Variants in KCNQ1 observed in about 807,000 individuals in gnomAD.
The protein encoded by KCNQ1 is potassium voltage-gated channel subfamily Q member 1, also known as potassium voltage-gated channel subfamily KQT member 1.
Under a neutral mutation model 72.4 loss-of-function variants are expected in KCNQ1, and 49 were observed. The observed-to-expected ratio is 0.68, with a 90% CI of 0.54 to 0.86. The LOEUF (loss-of-function observed/expected upper bound fraction) is 0.86, where lower values mean the gene tolerates loss of function less well. Ranked by LOEUF, KCNQ1 falls within the 40% of genes least tolerant of loss-of-function variation. The probability of loss-of-function intolerance (pLI) is 0.00; values close to 1 mark genes in which losing one functional copy is unlikely to be tolerated. For missense variants in KCNQ1, 790 were observed against 945.1 expected, an observed-to-expected ratio of 0.84 and a Z score of 2.15; for synonymous variants, 450 against 412.6, an observed-to-expected ratio of 1.09 and a Z score of -1.10.
At position 2,716,042 on chromosome 11, in the gene KCNQ1, A is replaced by C. The variant is rs560995280; in HGVS notation, c.1515-52802A>C. Among the ~76,000 whole-genome samples, 13 of 152,280 alleles carry C rather than the reference A, an allele frequency of 8.5e-5. No individual in the cohort carries two copies. The South Asian group carries it at 2.7e-3, about 32-fold the overall frequency. On this transcript the variant is annotated intron_variant, in intron 11 of 15. Transcript: ENST00000155840. ...TGCCTTTGACCTCTCATGCACTGAG[A>C]GTAATGGGCAAGCGCTGTCTGCAGA...
At chr11:2,757,824 C>A (rs758660270) in intron 11 of KCNQ1, among the ~76,000 whole-genome samples, 1 of 152,220 alleles carries the variant, frequency 6.6e-6, no homozygotes, top group Non-Finnish European at 1.5e-5. Context: ...CCTCTTTCAA[C>A]ACACGGTACA....
rs182932072 is a variant in KCNQ1, at chr11:2,447,707, C to T, written c.386+2223C>T. Among the ~76,000 whole-genome samples, 1 of 152,296 alleles carries T rather than the reference C, an allele frequency of 6.6e-6. No individual in the cohort carries two copies. The highest frequency in any genetic ancestry group is 2.4e-5 in the African/African-American group (1 of 41,556). On this transcript the variant is annotated intron_variant, in intron 1 of 15. Coordinates refer to ENST00000155840, the MANE Select transcript of KCNQ1 (RefSeq NM_000218.3). The surrounding 1 kb of genome is among the most constrained non-coding windows in gnomAD (Gnocchi z 7.6). Reference sequence around the variant, plus strand: ...TTGGCAATGGTGGCGGAGACAGGGCCCTGTCCTTAGGTGGATTGTGAAATG... The same window carrying T: ...TTGGCAATGGTGGCGGAGACAGGGCTCTGTCCTTAGGTGGATTGTGAAATG...
Position 2,663,722 on chromosome 11 carries a change from C to A in KCNQ1, c.1514+1641C>A. ...ACCAACTCTTGGGTCTTGCAAGGCC[C>A]CTGCAGGTGAAGGTGGTGAGAGACC... On this transcript the variant is annotated intron_variant, in intron 11 of 15. Coordinates refer to ENST00000155840, the MANE Select transcript of KCNQ1 (RefSeq NM_000218.3). This position sits in a 1 kb window ranked among gnomAD's most constrained non-coding sequence, Gnocchi z 5.2. 1 of 398,698 alleles carries A rather than the reference C, an allele frequency of 2.5e-6. No individual in the cohort carries two copies. Among genetic ancestry groups the A allele is most frequent in the Non-Finnish European group, 4.4e-6 (1 of 226,112 alleles). 24.7% of individuals were successfully genotyped at this position (398,698 alleles called of 1,614,324 possible). A position where few individuals can be genotyped will look rare whatever the true frequency, so the allele number is the denominator to read the frequency against.
intron 11 of KCNQ1, among the ~76,000 whole-genome samples, chr11:2,742,344 G>A: frequency 6.6e-6 from 1 of 152,184 alleles, no homozygotes; most frequent in East Asian, 1.9e-4. Context: ...GAGGCATCAG[G>A]CGGCCTCAGG....
At chr11:2,790,618 C>T (rs1038431311) in intron 15 of KCNQ1, among the ~76,000 whole-genome samples, 4 of 152,270 alleles carry the variant, frequency 2.6e-5, no homozygotes, top group Non-Finnish European at 5.9e-5. Flanking sequence ...AGCTCTGCCC[C>T]CTACACGCGA....
chr11:2,786,890 C>T (rs1257149182), intron 15 of KCNQ1, among the ~76,000 whole-genome samples: 1 of 150,224 alleles, frequency 6.7e-6, no homozygotes, highest in Non-Finnish European at 1.5e-5. Flanking sequence ...TCTGAGTTCA[C>T]CTCCCTGTTT....
intron 7 of KCNQ1, among the ~76,000 whole-genome samples, chr11:2,584,114 T>C (rs1489475196): frequency 2.0e-5 from 3 of 152,182 alleles, no homozygotes. Context: ...ACTGTATGTG[T>C]GCGTGCATAC....
At chr11:2,569,176 A>C (rs113962056) in intron 2 of KCNQ1, among the ~76,000 whole-genome samples, 5,913 of 152,148 alleles carry the variant, frequency 0.039, 346 homozygotes, top group African/African-American at 0.13. Context: ...GAGCCCCCGC[A>C]CCTGGCCCAC....
intron 15 of KCNQ1, among the ~76,000 whole-genome samples, chr11:2,836,609 C>T (rs1848070264): frequency 6.6e-6 from 1 of 152,202 alleles, no homozygotes; most frequent in Non-Finnish European, 1.5e-5. Flanking sequence ...CAGCAATCCC[C>T]ACAGAAAGGA....
At chr11:2,800,866 G>A (rs1162989481) in intron 15 of KCNQ1, among the ~76,000 whole-genome samples, 1 of 152,236 alleles carries the variant, frequency 6.6e-6, no homozygotes, top group African/African-American at 2.4e-5. Flanking sequence ...GGTAAGAGCA[G>A]AGAACAGGAT....
At chr11:2,727,489 T>C (rs1157627153) in intron 11 of KCNQ1, among the ~76,000 whole-genome samples, 1 of 151,948 alleles carries the variant, frequency 6.6e-6, no homozygotes, top group African/African-American at 2.4e-5. Context: ...ACTCGAGGAA[T>C]AAAGAGGAGG....
In KCNQ1 at chr11:2,476,549, C is replaced by T. The variant is rs1041482331; in HGVS notation, c.386+31065C>T. ...AAATAATAGGAAACAGGAAAACAGA[C>T]TTGAGGGTTCTTTTTGGGAGGTGAT... On this transcript the variant is annotated intron_variant, in intron 1 of 15. Coordinates refer to ENST00000155840, the MANE Select transcript of KCNQ1 (RefSeq NM_000218.3). Among the ~76,000 whole-genome samples the T allele has an allele frequency of 2.0e-5, 3 of 152,110 alleles. No homozygotes were observed. In the East Asian group the frequency reaches 5.8e-4, roughly 29 times the overall value.
chr11:2,585,300 T>A lies in KCNQ1; in HGVS notation c.1121T>A (p.Leu374His), dbSNP rs199472767. Residue 374 changes from leucine (L) to histidine (H), a missense_variant, in exon 8 of 16, where the codon CTC (leucine) becomes CAC (histidine). By Grantham distance (99) the Leu-to-His change is moderately conservative. This residue lies in a region of KCNQ1 where 133 missense variants were observed against 219.5 expected (regional missense o/e 0.61). Transcript: ENST00000155840. ...FNRQIPAAASLIQTAWRCYAA... is the reference protein window; with the variant it reads ...FNRQIPAAASHIQTAWRCYAA... ...CGGCAGATCCCGGCGGCAGCCTCAC[T>A]CATTCAGGTGCGGTGCCTGCAAGGC... is the stretch of plus-strand genomic sequence containing the variant. 6.2e-7 allele frequency: 1 copy of A among 1,613,764 alleles called. No individual in the cohort carries two copies. Among genetic ancestry groups the A allele is most frequent in the Admixed American group, 1.7e-5 (1 of 60,034 alleles).
rs946649933 is a variant in KCNQ1 at position 2,767,164 on chromosome 11, CTA to C, written c.1515-1676_1515-1675del. Among the ~76,000 whole-genome samples, 11 of 143,220 alleles carry C rather than the reference CTA, an allele frequency of 7.7e-5. No individual in the cohort carries two copies. Among genetic ancestry groups the C allele is most frequent in the Admixed American group, 1.4e-4 (2 of 14,638 alleles). The allele number at this position is 143,220 out of a possible 152,430, so 94.0% of individuals were successfully genotyped here. A position where few individuals can be genotyped will look rare whatever the true frequency, so the allele number is the denominator to read the frequency against. ...GCCTGGCAATAGAGCGAGACTCCAT[CTA>C]TATGTGTGTGTGTGTGTGTATTTTT... is the stretch of plus-strand genomic sequence containing the variant. On this transcript the variant is annotated intron_variant, in intron 11 of 15. Transcript: ENST00000155840. The surrounding 1 kb of genome is among the most constrained non-coding windows in gnomAD (Gnocchi z 4.6).
intron 11 of KCNQ1, among the ~76,000 whole-genome samples, chr11:2,718,293 A>T (rs1269258201): frequency 6.6e-6 from 1 of 152,086 alleles, no homozygotes; most frequent in African/African-American, 2.4e-5. Flanking sequence ...CCCCACACTT[A>T]GGGTGCCTCA....
rs1302026554 is a variant in KCNQ1 at position 2,609,156 on chromosome 11, T to G, written c.1393+20302T>G. On this transcript the variant is annotated intron_variant, in intron 10 of 15. Transcript: ENST00000155840. ...GAAGCCTTATTTTTTGATATAGGCA[T>G]TCATAGCTATAAAATTCCATCTTTA... is the stretch of plus-strand genomic sequence containing the variant. 5.0e-6 allele frequency: 2 copies of G among 398,202 alleles called. 1 individual carries two copies. 24.7% of individuals were successfully genotyped at this position (398,202 alleles called of 1,614,324 possible). A position where few individuals can be genotyped will look rare whatever the true frequency, so the allele number is the denominator to read the frequency against.
At position 2,598,776 on chromosome 11, in the gene KCNQ1, T is replaced by A. The variant is rs962218614; in HGVS notation, c.1393+9922T>A. Among the ~76,000 whole-genome samples the A allele has an allele frequency of 1.1e-4, 17 of 152,222 alleles. No homozygotes were observed. The highest frequency in any genetic ancestry group is 9.2e-4 in the Admixed American group (14 of 15,284). On this transcript the variant is annotated intron_variant, in intron 10 of 15. Transcript: ENST00000155840. This position sits in a 1 kb window ranked among gnomAD's most constrained non-coding sequence, Gnocchi z 6.2. ...GTCATAGCCCAGCTCTGCCATTTTC[T>A]TATGTGGCCCTAAGCAAGCTACTGC...
At chr11:2,455,945 A>G (rs1453890847) in intron 1 of KCNQ1, among the ~76,000 whole-genome samples, 3 of 152,236 alleles carry the variant, frequency 2.0e-5, no homozygotes, top group African/African-American at 7.2e-5. Flanking sequence ...TGCCATGGGG[A>G]AAAGACTTCA....
chr11:2,531,038 A>T (rs999430934), intron 2 of KCNQ1, among the ~76,000 whole-genome samples: 1 of 152,112 alleles, frequency 6.6e-6, no homozygotes, highest in Admixed American at 6.5e-5. Flanking sequence ...GCTCCTGCCC[A>T]GCCAGGGCTG....
Sources: gnomAD v4.1 joint callset for allele counts (sites outside exome capture counted in the v4.1 genomes callset) on GRCh38, gnomAD v4.1.1 for gene constraint, gnomAD v4.1.1 regional missense constraint, Gnocchi (gnomAD v3.1) non-coding constraint, MANE v1.5 for transcripts, NCBI Gene and HGNC (gene_info 2026-07-23, HGNC 2026-07-21) for gene names.